PCDH9: variants seen among roughly 807,000 people sequenced by gnomAD.
PCDH9 encodes protocadherin-9.
Under a neutral mutation model 70.6 loss-of-function variants are expected in PCDH9, and 24 were observed. The ratio of observed to expected loss-of-function variants is 0.34; its 90% CI spans 0.25 to 0.48. The LOEUF (loss-of-function observed/expected upper bound fraction) is 0.48, where lower values mean the gene tolerates loss of function less well. Among genes scored for constraint, PCDH9 ranks in the 20% least tolerant of loss-of-function variants. The probability of loss-of-function intolerance (pLI) is 0.99; values close to 1 mark genes in which losing one functional copy is unlikely to be tolerated. For missense variants in PCDH9, 1,281 were observed against 1,503.6 expected, an observed-to-expected ratio of 0.85 and a Z score of 2.45; for synonymous variants, 562 against 558.5, an observed-to-expected ratio of 1.01 and a Z score of -0.09.
rs527457508 is a variant in PCDH9 at position 66,424,872 on chromosome 13, G to A, written c.3341-119844C>T. Among the ~76,000 whole-genome samples, 3 of 151,992 alleles carry A rather than the reference G, an allele frequency of 2.0e-5. No individual in the cohort carries two copies. In the South Asian group the frequency reaches 6.2e-4, roughly 32 times the overall value. On this transcript the variant is annotated intron_variant, in intron 4 of 4. Coordinates refer to ENST00000377865, the MANE Select transcript of PCDH9 (RefSeq NM_203487.3). ...GATTTTGGTAACAGGAATTTTACCAGCCAGTCTTTCATTTCTTGTATTATA... is the reference window on the plus strand; with the variant it reads ...GATTTTGGTAACAGGAATTTTACCAACCAGTCTTTCATTTCTTGTATTATA...
At chr13:66,533,219 A>G (rs1432272121) in intron 4 of PCDH9, among the ~76,000 whole-genome samples, 2 of 152,110 alleles carry the variant, frequency 1.3e-5, no homozygotes. Context: ...GACTCTTAAT[A>G]TATTCCTTTA....
chr13:66,979,448 C>T (rs2083692653), intron 2 of PCDH9, among the ~76,000 whole-genome samples: 1 of 152,108 alleles, frequency 6.6e-6, no homozygotes, highest in African/African-American at 2.4e-5. Flanking sequence ...TATCTGTCTT[C>T]CTATTAAAAA....
At chr13:66,463,712 A>C (rs1467611749) in intron 4 of PCDH9, among the ~76,000 whole-genome samples, 1 of 151,748 alleles carries the variant, frequency 6.6e-6, no homozygotes, top group African/African-American at 2.4e-5. Context: ...GATCCATTGG[A>C]TCCATTCCCT....
intron 2 of PCDH9, among the ~76,000 whole-genome samples, chr13:67,147,083 T>C (rs1188682199): frequency 6.6e-6 from 1 of 152,176 alleles, no homozygotes; most frequent in Non-Finnish European, 1.5e-5. Flanking sequence ...ATGGACTGTT[T>C]CTCTGCTCCC....
intron 4 of PCDH9, among the ~76,000 whole-genome samples, chr13:66,415,988 T>C (rs887999174): frequency 6.6e-6 from 1 of 152,210 alleles, no homozygotes; most frequent in Non-Finnish European, 1.5e-5. Flanking sequence ...AATTTTTTAT[T>C]GGTTTCCCTT....
At chr13:66,718,236 G>A (rs959381493) in intron 3 of PCDH9, among the ~76,000 whole-genome samples, 1 of 152,156 alleles carries the variant, frequency 6.6e-6, no homozygotes, top group African/African-American at 2.4e-5. Flanking sequence ...AATTTATCCT[G>A]AGACCCGTTC....
chr13:66,387,572 C>A (rs1192373132), intron 4 of PCDH9, among the ~76,000 whole-genome samples: 2 of 151,450 alleles, frequency 1.3e-5, no homozygotes, highest in African/African-American at 4.9e-5. Context: ...AGTCCAGCAC[C>A]TTCCTCCTTT....
chr13:67,066,907 T>G (rs1299007713), intron 2 of PCDH9, among the ~76,000 whole-genome samples: 22 of 152,184 alleles, frequency 1.4e-4, no homozygotes, highest in Admixed American at 1.4e-3. Context: ...CACTTATAAT[T>G]TTCCCTTAAT....
chr13:67,084,194 C>G (rs2086045738), intron 2 of PCDH9, among the ~76,000 whole-genome samples: 1 of 152,156 alleles, frequency 6.6e-6, no homozygotes, highest in South Asian at 2.1e-4. Context: ...AACATCTTAA[C>G]ATGTGTCTCT....
At chr13:66,353,744 TAAAC>T (rs1956332554) in intron 4 of PCDH9, among the ~76,000 whole-genome samples, 1 of 152,296 alleles carries the variant, frequency 6.6e-6, no homozygotes, top group African/African-American at 2.4e-5. Flanking sequence ...TTCTGTTTGT[TAAAC>T]AATGCATTTC....
chr13:67,090,973 T>C (rs1162560144), intron 2 of PCDH9, among the ~76,000 whole-genome samples: 1 of 152,102 alleles, frequency 6.6e-6, no homozygotes, highest in East Asian at 1.9e-4. Context: ...TTGTTTAACA[T>C]TAGAGAGACT....
intron 4 of PCDH9, among the ~76,000 whole-genome samples, chr13:66,401,500 AT>A (rs1957186584): frequency 6.6e-6 from 1 of 152,052 alleles, no homozygotes; most frequent in Non-Finnish European, 1.5e-5. Flanking sequence ...TCTTTCCTTT[AT>A]AAATTACCCA....
intron 2 of PCDH9, among the ~76,000 whole-genome samples, chr13:66,910,523 C>G (rs190720986): frequency 6.6e-5 from 2 of 30,186 alleles, no homozygotes; most frequent in Non-Finnish European, 1.2e-4. Context: ...ATGCTTTATG[C>G]GTAAAAAAAT....
intron 4 of PCDH9, among the ~76,000 whole-genome samples, chr13:66,574,174 T>G (rs755110733): frequency 7.2e-5 from 11 of 152,200 alleles, no homozygotes; most frequent in Non-Finnish European, 1.0e-4. Context: ...AGCCATTGAA[T>G]CTCCATATTG....
At chr13:67,125,912 C>G (rs1349536297) in intron 2 of PCDH9, among the ~76,000 whole-genome samples, 2 of 151,878 alleles carry the variant, frequency 1.3e-5, no homozygotes, top group Admixed American at 6.6e-5. Context: ...AAATGCAGCT[C>G]ACATTATCAT....
intron 2 of PCDH9, among the ~76,000 whole-genome samples, chr13:67,059,342 ATATATATATATTATATATATATAGTGTG>A (rs1195228523): frequency 7.3e-6 from 1 of 137,096 alleles, no homozygotes; most frequent in African/African-American, 2.7e-5. Flanking sequence ...AATTTCAAAT[ATATATATATATTATATATATATAGTGTG>A]TATATATATA....
chr13:66,651,309 G>A (rs2077848681), intron 3 of PCDH9, among the ~76,000 whole-genome samples: 1 of 151,868 alleles, frequency 6.6e-6, no homozygotes, highest in Non-Finnish European at 1.5e-5. Flanking sequence ...AAATAAATTA[G>A]AGATGAAAAC....
intron 3 of PCDH9, among the ~76,000 whole-genome samples, chr13:66,840,924 G>C (rs1390194593): frequency 6.6e-6 from 1 of 152,066 alleles, no homozygotes; most frequent in Non-Finnish European, 1.5e-5. Context: ...GAGAGATGAA[G>C]TCAAGTTAAA....
chr13:67,081,118 A>G (rs6562481), intron 2 of PCDH9, among the ~76,000 whole-genome samples: 150,134 of 152,328 alleles, frequency 0.99, 74,020 homozygotes, highest in Middle Eastern at 1. Context: ...TTATGGATTC[A>G]ATGTTGTTCA....
Sources: gnomAD v4.1 joint callset for allele counts (sites outside exome capture counted in the v4.1 genomes callset) on GRCh38, gnomAD v4.1.1 for gene constraint, MANE v1.5 for transcripts, NCBI Gene and HGNC (gene_info 2026-07-23, HGNC 2026-07-21) for gene names.